The following EYS variants were observed in gnomAD, a reference collection of about 807,000 sequenced individuals.
The protein encoded by EYS is EGF-like photoreceptor maintenance factor.
A neutral mutation model predicts 282.1 loss-of-function variants in EYS; 250 were observed. The observed-to-expected ratio is 0.89, with a 90% CI of 0.80 to 0.98. The LOEUF is 0.98. Ranked by LOEUF, EYS falls within the 50% of genes least tolerant of loss-of-function variation. The probability of loss-of-function intolerance (pLI) is 0.00; values close to 1 mark genes in which losing one functional copy is unlikely to be tolerated. For missense variants in EYS, 4,016 were observed against 3,709.0 expected, an observed-to-expected ratio of 1.08 and a Z score of -2.15; for synonymous variants, 1,355 against 1,282.9, an observed-to-expected ratio of 1.06 and a Z score of -1.20.
chr6:65,127,943 CACAG>C (rs550744501), intron 12 of EYS, among the ~76,000 whole-genome samples: 1 of 151,990 alleles, frequency 6.6e-6, no homozygotes, highest in Non-Finnish European at 1.5e-5. Flanking sequence ...TAAGCAAAAA[CACAG>C]ACAGACATCT....
chr6:63,759,415 C>A (rs1265716559), intron 41 of EYS, among the ~76,000 whole-genome samples: 1 of 152,086 alleles, frequency 6.6e-6, no homozygotes, highest in Non-Finnish European at 1.5e-5. Context: ...TGCTCACAAA[C>A]CTTGATGTTC....
chr6:65,555,769 T>C (rs1380519655), intron 2 of EYS, among the ~76,000 whole-genome samples: 1 of 152,174 alleles, frequency 6.6e-6, no homozygotes, highest in Non-Finnish European at 1.5e-5. Context: ...TAATGAATAG[T>C]CACTATTAGA....
At chr6:65,514,802 A>G (rs1179631592) in intron 2 of EYS, among the ~76,000 whole-genome samples, 1 of 152,220 alleles carries the variant, frequency 6.6e-6, no homozygotes, top group African/African-American at 2.4e-5. Context: ...AGGTGGATTA[A>G]AGACTTAAAC....
intron 5 of EYS, among the ~76,000 whole-genome samples, chr6:65,444,101 T>C (rs1450812231): frequency 1.3e-5 from 2 of 152,040 alleles, no homozygotes; most frequent in Admixed American, 6.6e-5. Flanking sequence ...ATTAATTATA[T>C]GCATATTACT....
At chr6:65,382,585 G>C (rs1348665124) in intron 8 of EYS, among the ~76,000 whole-genome samples, 1 of 151,050 alleles carries the variant, frequency 6.6e-6, no homozygotes, top group Non-Finnish European at 1.5e-5. Context: ...TATATGAAAA[G>C]GGGAGTTTAT....
intron 22 of EYS, among the ~76,000 whole-genome samples, chr6:64,651,963 T>C (rs1009417133): frequency 6.6e-6 from 1 of 152,212 alleles, no homozygotes; most frequent in Non-Finnish European, 1.5e-5. Context: ...TTAATTGGCA[T>C]ACACTGGCAT....
At chr6:63,870,974 A>G (rs1356451674) in intron 35 of EYS, among the ~76,000 whole-genome samples, 3 of 152,150 alleles carry the variant, frequency 2.0e-5, no homozygotes, top group Non-Finnish European at 2.9e-5. Context: ...CAGTCCTGTG[A>G]TCTCTGCTCA....
chr6:65,171,284 C>T (rs758066753), intron 12 of EYS, among the ~76,000 whole-genome samples: 2 of 151,432 alleles, frequency 1.3e-5, no homozygotes, highest in Non-Finnish European at 3.0e-5. Flanking sequence ...TTTCTTTTTC[C>T]ATGAAAATAC....
At chr6:64,441,888 C>T (rs774181067) in intron 26 of EYS, among the ~76,000 whole-genome samples, 1 of 152,128 alleles carries the variant, frequency 6.6e-6, no homozygotes, top group Non-Finnish European at 1.5e-5. Flanking sequence ...CACCCAGTCT[C>T]AGGTATGTTT....
intron 11 of EYS, chr6:65,329,274 T>C: frequency 1.3e-6 from 1 of 757,022 alleles, no homozygotes; most frequent in Non-Finnish European, 1.6e-6. Flanking sequence ...CTTGAAACTT[T>C]ATTATTCAAA....
rs116841605 is a variant in EYS, at chr6:63,974,379, C to A, written c.7055+10004G>T. 1.6e-3 allele frequency among the ~76,000 whole-genome samples: 249 copies of A among 151,974 alleles called. 2 individuals are homozygous for A. In the East Asian group the frequency reaches 0.036, roughly 22 times the overall value. On this transcript the variant is annotated intron_variant, in intron 35 of 42. Transcript: ENST00000503581. ...GCAAAACAGTCAAAAAAACATATTA[C>A]CAGGTCATATTTAGAGTGCTTGTTC...
In EYS at chr6:64,766,652, AT is replaced by A. The variant is rs58634547; in HGVS notation, c.3443+46725del. Among the ~76,000 whole-genome samples, 21 of 48,552 alleles carry A rather than the reference AT, an allele frequency of 4.3e-4. 1 individual carries two copies. The East Asian group carries it at 9.2e-3, about 21-fold the overall frequency. 31.9% of individuals were successfully genotyped at this position (48,552 alleles called of 152,430 possible). On this transcript the variant is annotated intron_variant, in intron 22 of 42. Transcript: ENST00000503581. Reference sequence around the variant, plus strand: ...GTCTCAAAAAAAAAAAAAAAAAAATATATATATATATATATATATATATATA... The same window carrying A: ...GTCTCAAAAAAAAAAAAAAAAAAATAATATATATATATATATATATATATA...
rs190437164 is a variant in EYS, at chr6:64,013,791, C to A, written c.6726-14608G>T. 3.7e-3 allele frequency among the ~76,000 whole-genome samples: 569 copies of A among 152,148 alleles called. 1 individual carries two copies. The highest frequency in any genetic ancestry group is 6.8e-3 in the Middle Eastern group (2 of 294). On this transcript the variant is annotated intron_variant, in intron 33 of 42. Coordinates refer to ENST00000503581, the MANE Select transcript of EYS (RefSeq NM_001142800.2). ...AGGAAAGCTGAAAAGCTCAACTTCA[C>A]TGTTGCCATTTCGTTTGAGATTTCA... is the stretch of plus-strand genomic sequence containing the variant.
chr6:65,103,545 G>T (rs985506660), intron 12 of EYS, among the ~76,000 whole-genome samples: 6 of 151,372 alleles, frequency 4.0e-5, no homozygotes, highest in Admixed American at 1.3e-4. Context: ...TGGGACCCAT[G>T]CTGTTGACTT....
At chr6:65,090,375 C>T (rs1213291548) in intron 12 of EYS, among the ~76,000 whole-genome samples, 2 of 152,088 alleles carry the variant, frequency 1.3e-5, no homozygotes, top group African/African-American at 4.8e-5. Flanking sequence ...TGTATGTTTC[C>T]TTAGGCCTCA....
intron 31 of EYS, among the ~76,000 whole-genome samples, chr6:64,201,432 A>G (rs566147532): frequency 9.9e-5 from 15 of 152,234 alleles, no homozygotes; most frequent in Admixed American, 3.3e-4. Context: ...TAGAAATGAA[A>G]TGTTTCTAAA....
chr6:65,456,016 G>A (rs35175083), intron 5 of EYS, among the ~76,000 whole-genome samples: 3 of 96,342 alleles, frequency 3.1e-5, no homozygotes, highest in African/African-American at 5.6e-5. Flanking sequence ...AAAGAAAGAA[G>A]GAAGGAAGGA....
rs1196645793 is a variant in EYS, at chr6:64,639,126, G to T, written c.3444-12881C>A. 2.3e-5 allele frequency among the ~76,000 whole-genome samples: 2 copies of T among 88,666 alleles called. 1 individual carries two copies. Among genetic ancestry groups the T allele is most frequent in the Non-Finnish European group, 4.8e-5 (2 of 41,992 alleles). 58.2% of individuals were successfully genotyped at this position (88,666 alleles called of 152,430 possible). A position where few individuals can be genotyped will look rare whatever the true frequency, so the allele number is the denominator to read the frequency against. ...GAGACTGTCTCCTCCTTGTGTCTTT[G>T]CATGGTCTTCCCTCCATGCATGTTT... On this transcript the variant is annotated intron_variant, in intron 22 of 42. Transcript: ENST00000503581.
chr6:64,503,883 G>A (rs544133265), intron 26 of EYS, among the ~76,000 whole-genome samples: 3 of 152,142 alleles, frequency 2.0e-5, no homozygotes. Context: ...GATAGTCAGT[G>A]AGTTCTCACA....
Sources: allele counts gnomAD v4.1 joint callset (sites outside exome capture counted in the v4.1 genomes callset), GRCh38; gene constraint gnomAD v4.1.1; transcripts MANE v1.5; gene names NCBI Gene and HGNC (gene_info 2026-07-23, HGNC 2026-07-21).